Variants in C12orf42 observed in about 807,000 individuals in gnomAD.
C12orf42 encodes the protein chromosome 12 open reading frame 42, also known as uncharacterized protein C12orf42.
A neutral mutation model predicts 21.6 loss-of-function variants in C12orf42; 25 were observed. The ratio of observed to expected loss-of-function variants is 1.16; its 90% CI spans 0.84 to 1.62. The LOEUF (loss-of-function observed/expected upper bound fraction) is 1.62. C12orf42 is among the 40% of genes most tolerant of loss of function. The pLI is 0.00. For missense variants in C12orf42, 483 were observed against 459.3 expected, an observed-to-expected ratio of 1.05 and a Z score of -0.47; for synonymous variants, 174 against 175.0, an observed-to-expected ratio of 0.99 and a Z score of 0.05.
the C12orf42 span, among the ~76,000 whole-genome samples, chr12:103,222,318 G>A: frequency 5.3e-5 from 8 of 150,460 alleles, no homozygotes; most frequent in East Asian, 2.0e-4. Context: ...GGAGTGGGGG[G>A]TTGCAAGGTG....
At chr12:103,078,453 G>C in the C12orf42 span, among the ~76,000 whole-genome samples, 86 of 152,124 alleles carry the variant, frequency 5.7e-4, no homozygotes, top group Non-Finnish European at 1.1e-3. Context: ...TGATGTCATT[G>C]CTACTATATT....
the C12orf42 span, among the ~76,000 whole-genome samples, chr12:103,132,926 C>A: frequency 6.6e-6 from 1 of 152,196 alleles, no homozygotes; most frequent in Non-Finnish European, 1.5e-5. Flanking sequence ...CTGCCACTAC[C>A]TAAGCATTTA....
the C12orf42 span, among the ~76,000 whole-genome samples, chr12:103,192,492 G>T: frequency 1.5e-5 from 2 of 131,654 alleles, no homozygotes; most frequent in Admixed American, 8.0e-5. Context: ...AACAGAGCGA[G>T]ACTCCATCTC....
the C12orf42 span, among the ~76,000 whole-genome samples, chr12:103,524,904 T>C: frequency 7.0e-6 from 1 of 143,240 alleles, no homozygotes; most frequent in South Asian, 2.3e-4. Context: ...CTCCAAGCAA[T>C]GTTGTCACAA....
intron 1 of C12orf42, among the ~76,000 whole-genome samples, chr12:103,490,928 T>C (rs1229338137): frequency 6.6e-6 from 1 of 152,144 alleles, no homozygotes; most frequent in Non-Finnish European, 1.5e-5. Flanking sequence ...GTAGCATACC[T>C]TACATTGATG....
chr12:103,488,617 T>C (rs939756141), intron 1 of C12orf42, among the ~76,000 whole-genome samples: 2 of 152,246 alleles, frequency 1.3e-5, no homozygotes, highest in Admixed American at 6.5e-5. Flanking sequence ...TCTTTTCACA[T>C]AGTCCCATAT....
the C12orf42 span, among the ~76,000 whole-genome samples, chr12:103,088,333 G>C: frequency 6.6e-6 from 1 of 152,190 alleles, no homozygotes; most frequent in East Asian, 1.9e-4. Flanking sequence ...AGGAATAGAT[G>C]ACTAAATAAG....
chr12:103,352,707 A>G (rs531433014), intron 4 of C12orf42, among the ~76,000 whole-genome samples: 1 of 152,316 alleles, frequency 6.6e-6, no homozygotes, highest in South Asian at 2.1e-4. Context: ...GAATAGCAGC[A>G]TGGGTTACAG....
the C12orf42 span, among the ~76,000 whole-genome samples, chr12:103,187,505 G>A: frequency 6.6e-6 from 1 of 152,154 alleles, no homozygotes; most frequent in African/African-American, 2.4e-5. Flanking sequence ...ATTCTTGATA[G>A]GAAGACATGA....
At chr12:103,387,414 C>T (rs553377015) in intron 3 of C12orf42, among the ~76,000 whole-genome samples, 10 of 152,352 alleles carry the variant, frequency 6.6e-5, no homozygotes, top group Non-Finnish European at 1.3e-4. Flanking sequence ...GACATGCTCA[C>T]GCTTACTCCC....
rs1229229612 is a variant in C12orf42, at chr12:103,466,568, TGA to T, written c.78+11779_78+11780del. Among the ~76,000 whole-genome samples the T allele has an allele frequency of 5.2e-5, 5 of 95,318 alleles. No homozygotes were observed. In the East Asian group the frequency reaches 1.3e-3, roughly 25 times the overall value. 62.5% of individuals were successfully genotyped at this position (95,318 alleles called of 152,430 possible). ...AAAGAAACAGATTTCTGTCTCTCCCTGACTCTCTCTCTCTCTCCTCTCCATCT... is the reference window on the plus strand; with the variant it reads ...AAAGAAACAGATTTCTGTCTCTCCCTCTCTCTCTCTCTCTCCTCTCCATCT... On this transcript the variant is annotated intron_variant, in intron 2 of 5. Coordinates refer to ENST00000548883, the MANE Select transcript of C12orf42 (RefSeq NM_198521.5).
At chr12:103,474,177 C>T (rs1394307491) in intron 2 of C12orf42, among the ~76,000 whole-genome samples, 1 of 152,182 alleles carries the variant, frequency 6.6e-6, no homozygotes, top group Admixed American at 6.5e-5. Flanking sequence ...CACTTTCATG[C>T]CTTTCCTAAG....
chr12:103,054,619 A>C, the C12orf42 span, among the ~76,000 whole-genome samples: 2 of 151,826 alleles, frequency 1.3e-5, no homozygotes, highest in Non-Finnish European at 3.0e-5. Context: ...TATATTGAAC[A>C]AGAGTGGTGA....
chr12:103,127,595 C>G, the C12orf42 span, among the ~76,000 whole-genome samples: 2 of 152,102 alleles, frequency 1.3e-5, no homozygotes, highest in Non-Finnish European at 2.9e-5. Flanking sequence ...CAATTTAGCT[C>G]TTCAATCAGT....
the C12orf42 span, among the ~76,000 whole-genome samples, chr12:103,095,517 G>A: frequency 6.6e-6 from 1 of 152,068 alleles, no homozygotes; most frequent in Non-Finnish European, 1.5e-5. Flanking sequence ...CTGCCTACAT[G>A]TTACCTTTTC....
chr12:103,209,693 G>A, the C12orf42 span, among the ~76,000 whole-genome samples: 1 of 152,144 alleles, frequency 6.6e-6, no homozygotes, highest in Non-Finnish European at 1.5e-5. Flanking sequence ...TTATCTCCCA[G>A]CAGATTCGAG....
the C12orf42 span, among the ~76,000 whole-genome samples, chr12:103,049,487 C>T: frequency 0.15 from 23,051 of 152,038 alleles, 2,232 homozygotes; most frequent in East Asian, 0.51. Context: ...TTATTCTCTC[C>T]CCTTCTGTCC....
At position 103,415,135 on chromosome 12, in the gene C12orf42, G is replaced by GA. The variant is rs756295534; in HGVS notation, c.79-13461dup. Reference sequence around the variant, plus strand: ...GTAGAGACAGCTATTCTTATATTAGGAAAAAAAAAATACTTTAAACCATAA... The same window carrying GA: ...GTAGAGACAGCTATTCTTATATTAGGAAAAAAAAAAATACTTTAAACCATAA... On this transcript the variant is annotated intron_variant, in intron 2 of 5. Transcript: ENST00000548883. Among the ~76,000 whole-genome samples, 1,094 of 147,668 alleles carry GA rather than the reference G, an allele frequency of 7.4e-3. 8 individuals carry two copies. The highest frequency in any genetic ancestry group is 0.011 in the South Asian group (49 of 4,640).
the C12orf42 span, among the ~76,000 whole-genome samples, chr12:103,188,478 A>T: frequency 6.6e-6 from 1 of 152,150 alleles, no homozygotes; most frequent in African/African-American, 2.4e-5. Flanking sequence ...CACAGAAGCC[A>T]TTTTGATACT....
Sources: allele counts gnomAD v4.1 joint callset (sites outside exome capture counted in the v4.1 genomes callset), GRCh38; gene constraint gnomAD v4.1.1; transcripts MANE v1.5; gene names NCBI Gene and HGNC (gene_info 2026-07-23, HGNC 2026-07-21).